The following FGD4 variants were observed in gnomAD, a reference collection of about 807,000 sequenced individuals.
The protein encoded by FGD4 is FYVE, RhoGEF and PH domain containing 4.
In FGD4, 42 loss-of-function variants were observed where a neutral mutation model predicts 102.0. That is an observed-to-expected ratio of 0.41 (90% CI 0.32 to 0.53). The LOEUF is 0.53. Among genes scored for constraint, FGD4 ranks in the 20% least tolerant of loss-of-function variants. The pLI is 0.21. For missense variants in FGD4, 902 were observed against 1,078.2 expected (o/e 0.84, Z 2.29); for synonymous variants, 380 against 375.7 (o/e 1.01, Z -0.13).
intron 2 of FGD4, among the ~76,000 whole-genome samples, chr12:32,570,499 T>C (rs1945571967): frequency 6.6e-6 from 1 of 151,940 alleles, no homozygotes; most frequent in Non-Finnish European, 1.5e-5. Flanking sequence ...TGGAGTGTAG[T>C]GGCATGATCT....
chr12:32,473,361 C>T (rs77481041), intron 1 of FGD4, among the ~76,000 whole-genome samples: 28,208 of 151,892 alleles, frequency 0.19, 3,260 homozygotes, highest in East Asian at 0.26. Context: ...ACACTCACCG[C>T]GAAGATCTGC....
At position 32,506,890 on chromosome 12, in the gene FGD4, T is replaced by C. The variant is rs1565784539; in HGVS notation, c.167-57247T>C. ...AGGTATGTGATGACAAAATGGGCTA[T>C]GTTAAAGAGGGAGTTGAGGGTGGCA... On this transcript the variant is annotated intron_variant, in intron 1 of 16. Coordinates refer to ENST00000534526, the MANE Select transcript of FGD4 (RefSeq NM_001370298.3). This position sits in a 1 kb window ranked among gnomAD's most constrained non-coding sequence, Gnocchi z 4.5. 6.6e-6 allele frequency among the ~76,000 whole-genome samples: 1 copy of C among 152,146 alleles called. No individual in the cohort carries two copies. The highest frequency in any genetic ancestry group is 1.5e-5 in the Non-Finnish European group (1 of 68,024).
intron 1 of FGD4, among the ~76,000 whole-genome samples, chr12:32,517,128 A>G (rs1010302698): frequency 2.0e-5 from 3 of 152,216 alleles, no homozygotes; most frequent in Non-Finnish European, 4.4e-5. Flanking sequence ...GCCAGAGTAT[A>G]ATTATAAAAA....
chr12:32,590,886 C>G (rs1450008590), intron 4 of FGD4, among the ~76,000 whole-genome samples: 1 of 152,170 alleles, frequency 6.6e-6, no homozygotes, highest in Non-Finnish European at 1.5e-5. Context: ...TGGAATATCA[C>G]AGAACAAAGA....
intron 15 of FGD4, chr12:32,637,937 A>G (rs1950941344): frequency 6.6e-6 from 1 of 152,636 alleles, no homozygotes; most frequent in African/African-American, 2.4e-5. Flanking sequence ...TAACCATATC[A>G]CTCTACAAAA....
intron 1 of FGD4, among the ~76,000 whole-genome samples, chr12:32,405,840 GTACT>G (rs1403610298): frequency 1.3e-5 from 2 of 151,792 alleles, no homozygotes; most frequent in Non-Finnish European, 2.9e-5. Flanking sequence ...TCAATCAATA[GTACT>G]TACTTGTATT....
At chr12:32,434,442 C>T (rs1205084854) in intron 1 of FGD4, among the ~76,000 whole-genome samples, 1 of 152,144 alleles carries the variant, frequency 6.6e-6, no homozygotes, top group Non-Finnish European at 1.5e-5. Flanking sequence ...AAAATAGTTT[C>T]TTTCTCCCTT....
chr12:32,401,659 T>TAA, intron 1 of FGD4, among the ~76,000 whole-genome samples: 1 of 151,664 alleles, frequency 6.6e-6, no homozygotes, highest in Non-Finnish European at 1.5e-5. Context: ...GCAGTAAGGG[T>TAA]AAAAGGGAGT....
intron 1 of FGD4, among the ~76,000 whole-genome samples, chr12:32,527,679 C>G (rs561840583): frequency 6.6e-6 from 1 of 152,114 alleles, no homozygotes; most frequent in African/African-American, 2.4e-5. Flanking sequence ...CCACCCGCCT[C>G]GTCCTCCCAA....
chr12:32,443,819 A>T (rs1408515263), intron 1 of FGD4, among the ~76,000 whole-genome samples: 1 of 151,570 alleles, frequency 6.6e-6, no homozygotes, highest in Non-Finnish European at 1.5e-5. Context: ...GCAGCCTTCA[A>T]GTTCAGTGTT....
chr12:32,494,283 C>G (rs1192626755), intron 1 of FGD4, among the ~76,000 whole-genome samples: 1 of 152,108 alleles, frequency 6.6e-6, no homozygotes, highest in Non-Finnish European at 1.5e-5. Flanking sequence ...GAACTCTGGT[C>G]TTGCATTTCT....
intron 7 of FGD4, among the ~76,000 whole-genome samples, chr12:32,604,924 G>T (rs1948671094): frequency 1.4e-5 from 2 of 140,466 alleles, no homozygotes; most frequent in African/African-American, 5.5e-5. Context: ...ATTTTATCTA[G>T]CTTTATAGCT....
chr12:32,533,834 AT>A (rs1455620212), intron 1 of FGD4, among the ~76,000 whole-genome samples: 1 of 152,268 alleles, frequency 6.6e-6, no homozygotes, highest in African/African-American at 2.4e-5. Context: ...ATGTTTTGAA[AT>A]AACATATACG....
chr12:32,592,929 A>C (rs1158058724), intron 4 of FGD4, among the ~76,000 whole-genome samples: 1 of 152,194 alleles, frequency 6.6e-6, no homozygotes, highest in Non-Finnish European at 1.5e-5. Context: ...TTTTGTAAGC[A>C]GATAGTTGGT....
At chr12:32,510,953 G>A (rs960288124) in intron 1 of FGD4, among the ~76,000 whole-genome samples, 1 of 152,202 alleles carries the variant, frequency 6.6e-6, no homozygotes, top group Non-Finnish European at 1.5e-5. Context: ...TATGAAAGAG[G>A]TGTGAAATTA....
intron 1 of FGD4, among the ~76,000 whole-genome samples, chr12:32,524,395 CAAAAA>C (rs959203100): frequency 8.7e-5 from 6 of 69,308 alleles, no homozygotes; most frequent in African/African-American, 2.3e-4. Context: ...GACTCTGTCT[CAAAAA>C]AAAAAAAAAA....
intron 10 of FGD4, among the ~76,000 whole-genome samples, chr12:32,612,858 A>T (rs950368700): frequency 2.6e-5 from 4 of 152,134 alleles, no homozygotes; most frequent in African/African-American, 9.7e-5. Flanking sequence ...ACTTCCTGGA[A>T]ATGACAGTCT....
At chr12:32,567,801 CT>C (rs1447676450) in intron 2 of FGD4, among the ~76,000 whole-genome samples, 1 of 151,582 alleles carries the variant, frequency 6.6e-6, no homozygotes. Context: ...GATTCTCCCA[CT>C]TCAGCCTCCT....
At chr12:32,500,398 TTTTATTTTA>T (rs1565779553) in intron 1 of FGD4, among the ~76,000 whole-genome samples, 19 of 15,192 alleles carry the variant, frequency 1.3e-3, no homozygotes, top group African/African-American at 3.3e-3. Flanking sequence ...TTTATTTTTA[TTTTATTTTA>T]TTTTATTTTA....
Sources: allele counts gnomAD v4.1 joint callset (sites outside exome capture counted in the v4.1 genomes callset), GRCh38; gene constraint gnomAD v4.1.1; non-coding constraint Gnocchi (gnomAD v3.1); transcripts MANE v1.5; gene names NCBI Gene and HGNC (gene_info 2026-07-23, HGNC 2026-07-21).